The following LIG3 variants were observed in gnomAD, a reference collection of about 807,000 sequenced individuals.
LIG3 encodes the protein ligase II, DNA, ATP-dependent.
A neutral mutation model predicts 110.9 loss-of-function variants in LIG3; 58 were observed. That is an observed-to-expected ratio of 0.52 (90% CI 0.42 to 0.65). The LOEUF (loss-of-function observed/expected upper bound fraction) is 0.65. Ranked by LOEUF, LIG3 falls within the 30% of genes least tolerant of loss-of-function variation. The pLI, the probability that LIG3 is intolerant of heterozygous loss-of-function variation, is 0.00. For synonymous variants in LIG3, 422 were observed against 472.8 expected (o/e 0.89, Z 1.39); for missense variants, 1,094 against 1,273.8 (o/e 0.86, Z 2.15).
chr17:34,995,551 C>T (rs2090768914), intron 9 of LIG3, among the ~76,000 whole-genome samples: 2 of 152,144 alleles, frequency 1.3e-5, no homozygotes, highest in African/African-American at 2.4e-5. Flanking sequence ...CTTTCCTGTT[C>T]CTGCTCTAAG....
chr17:34,983,677 C>A, intron 2 of LIG3, 125 bp downstream of exon 2: 2 of 946,732 alleles, frequency 2.1e-6, no homozygotes, highest in Non-Finnish European at 3.1e-6. Context: ...CACTCTGTTG[C>A]CTAGGCCAGT....
chr17:34,984,339 A>C (rs567384023), intron 2 of LIG3, among the ~76,000 whole-genome samples: 3 of 152,158 alleles, frequency 2.0e-5, no homozygotes, highest in Admixed American at 2.0e-4. Context: ...ATCCTCTTTT[A>C]CTTTTTTTCT....
rs973757872 is a variant in LIG3 at position 35,007,213 on chromosome 17, A to T, written c.*2707A>T. On this transcript the variant is annotated 3_prime_UTR_variant, in exon 20 of 20. Transcript: ENST00000378526. ...GCTTACACCCAGAGTGCACACTCAC[A>T]GGAAAGGGCCTCTGCTGGCTGCAGG... 6.6e-6 allele frequency: 1 copy of T among 152,290 alleles called. No homozygotes were observed. The highest frequency in any genetic ancestry group is 2.4e-5 in the African/African-American group (1 of 41,476). The allele number at this position is 152,290 out of a possible 1,614,324, so 9.4% of individuals were successfully genotyped here. A position where few individuals can be genotyped will look rare whatever the true frequency, so the allele number is the denominator to read the frequency against.
At chr17:34,989,926 G>A (rs1331528989) in intron 4 of LIG3, 3 of 456,242 alleles carry the variant, frequency 6.6e-6, no homozygotes, top group Non-Finnish European at 1.2e-5. Flanking sequence ...GCTCCTAGGA[G>A]GCCAGAAGAA....
intron 17 of LIG3, 100 bp from the exon 18 acceptor site, chr17:35,001,809 C>A: frequency 9.5e-7 from 1 of 1,057,052 alleles, no homozygotes; most frequent in Admixed American, 2.8e-5. Context: ...TTTCTCACAT[C>A]TTTGTTCCCA....
At chr17:34,987,406 T>C (rs2090667794) in intron 3 of LIG3, among the ~76,000 whole-genome samples, 1 of 152,232 alleles carries the variant, frequency 6.6e-6, no homozygotes, top group Non-Finnish European at 1.5e-5. Flanking sequence ...ATGGAGTTAG[T>C]ATTTGTACTG....
In LIG3 at chr17:35,002,611, G is replaced by A. The variant is rs4986975; in HGVS notation, c.2675-57G>A. ...ACTCCTGAGTTGAATTGATCCTCCCGAGTAGCTGGGACTATAGGTGTGCAC... is the reference window on the plus strand; with the variant it reads ...ACTCCTGAGTTGAATTGATCCTCCCAAGTAGCTGGGACTATAGGTGTGCAC... On this transcript the variant is annotated intron_variant, in intron 18 of 19. Coordinates refer to ENST00000378526, the MANE Select transcript of LIG3 (RefSeq NM_013975.4). The A allele has an allele frequency of 7.6e-4, 1,192 of 1,566,670 alleles. 7 individuals are homozygous for A. In the African/African-American group the frequency reaches 0.013, roughly 17 times the overall value.
downstream of LIG3, chr17:35,010,419 A>T (rs780057226): frequency 2.6e-5 from 4 of 152,198 alleles, no homozygotes; most frequent in Non-Finnish European, 5.9e-5. Context: ...GCTCAAATAC[A>T]TCACCTACTC....
chr17:34,985,002 C>G (rs1373663700), intron 2 of LIG3, among the ~76,000 whole-genome samples: 1 of 151,960 alleles, frequency 6.6e-6, no homozygotes, highest in East Asian at 1.9e-4. Flanking sequence ...GGTGTTGAAC[C>G]CCTGACTTCA....
Position 34,990,997 on chromosome 17 carries a change from G to A in LIG3, c.924G>A (p.Lys308=). Residue 308 remains lysine (K), a synonymous_variant, in exon 5 of 20, where the codon AAG becomes AAA. Coordinates refer to ENST00000378526, the MANE Select transcript of LIG3 (RefSeq NM_013975.4). ...GFHGDVYLTV[K]LLLPGVIKTV... is the part of the protein sequence containing the mutation. The stretch of plus-strand genomic sequence containing the variant: ...ACGGTGATGTGTACCTAACAGTGAA[G>A]CTGCTGCTGCCAGGAGTCATTAAGA... 2 of 1,614,132 alleles carry A rather than the reference G, an allele frequency of 1.2e-6. No individual in the cohort carries two copies. The highest frequency in any genetic ancestry group is 1.7e-6 in the Non-Finnish European group (2 of 1,179,928).
chr17:34,983,543 C>A lies in LIG3; in HGVS notation c.538C>A (p.His180Asn), dbSNP rs1398182891. Residue 180 changes from histidine (H) to asparagine (N), a missense_variant, in exon 2 of 20, where the codon CAC (histidine) becomes AAC (asparagine). His to Asn is a moderately conservative substitution (Grantham distance 68, BLOSUM62 1). Coordinates refer to ENST00000378526, the MANE Select transcript of LIG3 (RefSeq NM_013975.4). ...TAATGAGAAGGAACAGATAACCCAG[C>A]ACATTGCAGGTAAGGTAGAGAACAC... is the stretch of plus-strand genomic sequence containing the variant. ...EDNEKEQITQ[H>N]IADLSSKAAG... 8.7e-6 allele frequency: 14 copies of A among 1,612,302 alleles called. No individual in the cohort carries two copies. Among genetic ancestry groups the A allele is most frequent in the Non-Finnish European group, 1.2e-5 (14 of 1,179,452 alleles).
intron 3 of LIG3, among the ~76,000 whole-genome samples, chr17:34,987,253 C>T (rs559963681): frequency 3.9e-5 from 6 of 152,180 alleles, no homozygotes; most frequent in Admixed American, 2.6e-4. Flanking sequence ...ATTGGCCTTA[C>T]GTAAACAGAC....
rs1469366234 is a variant in LIG3, at chr17:35,007,880, C to T, written c.*3374C>T. The stretch of plus-strand genomic sequence containing the variant: ...TCCCAAGTGGCTAAGACTTAACAAA[C>T]AGGCACACACCATCACTCGCAGCTA... On this transcript the variant is annotated 3_prime_UTR_variant, in exon 20 of 20. Transcript: ENST00000378526. 6.6e-6 allele frequency: 1 copy of T among 152,260 alleles called. No homozygotes were observed. Among genetic ancestry groups the T allele is most frequent in the East Asian group, 1.9e-4 (1 of 5,178 alleles). The allele number at this position is 152,260 out of a possible 1,614,324, so 9.4% of individuals were successfully genotyped here.
At chr17:34,996,684 A>G in intron 11 of LIG3, 31 bp downstream of exon 11, 1 of 1,557,216 alleles carries the variant, frequency 6.4e-7, no homozygotes, top group Non-Finnish European at 8.9e-7. Flanking sequence ...AAACCCAGAA[A>G]CTGCCAGGAA....
intron 4 of LIG3, among the ~76,000 whole-genome samples, chr17:34,990,570 A>G (rs2090708128): frequency 6.6e-6 from 1 of 151,576 alleles, no homozygotes; most frequent in African/African-American, 2.4e-5. Context: ...GTGAGCCACC[A>G]TGCGCGGTCT....
intron 19 of LIG3, 186 bp downstream of exon 19, chr17:35,002,975 G>A: frequency 6.2e-7 from 1 of 1,614,128 alleles, no homozygotes; most frequent in Non-Finnish European, 8.5e-7. Context: ...CTCACCCTAT[G>A]TCCTCTTGTT....
In LIG3 at chr17:34,983,100, T is replaced by G. The variant is rs147371024; in HGVS notation, c.95T>G (p.Val32Gly). The G allele has an allele frequency of 1.1e-5, 18 of 1,614,102 alleles. No individual in the cohort carries two copies. The African/African-American group carries it at 2.4e-4, about 22-fold the overall frequency. ...CLFRKHHWRD[V>G]RQFSQWSETD... is the part of the protein sequence containing the mutation. ...TTCCGAAAACATCACTGGCGTGATG[T>G]AAGACAATTCAGCCAGTGGTCAGAA... Residue 32 changes from valine to glycine, a missense_variant, in exon 2 of 20, where the codon GTA becomes GGA. By Grantham distance (109) the Val-to-Gly change is moderately radical (BLOSUM62 -3). Coordinates refer to ENST00000378526, the MANE Select transcript of LIG3 (RefSeq NM_013975.4).
In LIG3 at chr17:34,983,156, C is replaced by G. The variant is rs947443305; in HGVS notation, c.151C>G (p.Leu51Val). ...TDLLHGHPLF[L>V]RRKPVLSFQG... Reference sequence around the variant, plus strand: ...TCTGCTTCATGGACATCCCCTCTTCCTGAGAAGAAAGCCTGTTCTATCATT... The same window carrying G: ...TCTGCTTCATGGACATCCCCTCTTCGTGAGAAGAAAGCCTGTTCTATCATT... Residue 51 changes from leucine (L) to valine (V), a missense_variant, in exon 2 of 20, where the codon CTG (leucine) becomes GTG (valine). By Grantham distance (32) the Leu-to-Val change is conservative (BLOSUM62 1). Transcript: ENST00000378526. 2.5e-6 allele frequency: 4 copies of G among 1,614,044 alleles called. No individual in the cohort carries two copies. The highest frequency in any genetic ancestry group is 3.3e-5 in the Admixed American group (2 of 60,000).
At chr17:34,998,890 C>A in intron 14 of LIG3, 163 bp downstream of exon 14, 2 of 747,846 alleles carry the variant, frequency 2.7e-6, no homozygotes, top group Non-Finnish European at 4.2e-6. Flanking sequence ...TCAGGCAGAG[C>A]TGCTTACTCG....
Sources: allele counts gnomAD v4.1 joint callset (sites outside exome capture counted in the v4.1 genomes callset), GRCh38; gene constraint gnomAD v4.1.1; transcripts MANE v1.5; gene names NCBI Gene and HGNC (gene_info 2026-07-23, HGNC 2026-07-21).